FRMD6: variants seen among roughly 807,000 people sequenced by gnomAD.
The protein encoded by FRMD6 is FERM domain-containing protein 6.
Under a neutral mutation model 73.2 loss-of-function variants are expected in FRMD6, and 37 were observed. The observed-to-expected ratio is 0.51, with a 90% CI of 0.39 to 0.66. The LOEUF is 0.66. Ranked by LOEUF, FRMD6 falls within the 30% of genes least tolerant of loss-of-function variation. The probability of loss-of-function intolerance (pLI) is 0.00; values close to 1 mark genes in which losing one functional copy is unlikely to be tolerated. For missense variants in FRMD6, 714 were observed against 780.5 expected, an observed-to-expected ratio of 0.91 and a Z score of 1.02; for synonymous variants, 273 against 282.2, an observed-to-expected ratio of 0.97 and a Z score of 0.33.
At chr14:51,470,819 A>T in the FRMD6 span, among the ~76,000 whole-genome samples, 14 of 152,268 alleles carry the variant, frequency 9.2e-5, no homozygotes, top group Non-Finnish European at 1.9e-4. Flanking sequence ...TAGATGCCAT[A>T]TTGTTATTGA....
chr14:51,619,989 G>A (rs1890866735), intron 2 of FRMD6, among the ~76,000 whole-genome samples: 1 of 152,160 alleles, frequency 6.6e-6, no homozygotes, highest in African/African-American at 2.4e-5. Flanking sequence ...ACTTTCAGAG[G>A]TGACCAGCAA....
rs1190338688 is a variant in FRMD6 at position 51,536,097 on chromosome 14, T to TAG, written c.-209-34235_-209-34234dup. 1.7e-3 allele frequency among the ~76,000 whole-genome samples: 231 copies of TAG among 135,810 alleles called. 1 individual carries two copies. The South Asian group carries it at 0.019, about 11-fold the overall frequency. The allele number at this position is 135,810 out of a possible 152,430, so 89.1% of individuals were successfully genotyped here. A position where few individuals can be genotyped will look rare whatever the true frequency, so the allele number is the denominator to read the frequency against. On this transcript the variant is annotated intron_variant, in intron 1 of 14. Coordinates refer to the FRMD6 transcript ENST00000356218. ...TATATTTTATATATATATATATATA[T>TAG]AGAGAGAGAGAGAGAGAAACAGGGT... is the stretch of plus-strand genomic sequence containing the variant.
chr14:51,456,517 G>A, the FRMD6 span, among the ~76,000 whole-genome samples: 978 of 152,258 alleles, frequency 6.4e-3, 11 homozygotes, highest in African/African-American at 0.022. Context: ...ATTCCATGGT[G>A]TATATATGCC....
At chr14:51,592,804 T>C (rs1019842107) in intron 2 of FRMD6, among the ~76,000 whole-genome samples, 1 of 152,230 alleles carries the variant, frequency 6.6e-6, no homozygotes, top group Non-Finnish European at 1.5e-5. Flanking sequence ...AGTTCTGATT[T>C]TTATAGAAGC....
the FRMD6 span, among the ~76,000 whole-genome samples, chr14:51,440,593 T>G: frequency 6.6e-6 from 1 of 152,118 alleles, no homozygotes; most frequent in Non-Finnish European, 1.5e-5. Flanking sequence ...GCTGGAGAAC[T>G]GAGAATTCTG....
At chr14:51,640,431 T>C (rs532617174) in intron 2 of FRMD6, among the ~76,000 whole-genome samples, 2 of 152,360 alleles carry the variant, frequency 1.3e-5, no homozygotes, top group East Asian at 3.9e-4. Context: ...TTTGCTGATA[T>C]TTTAATTGGA....
the FRMD6 span, among the ~76,000 whole-genome samples, chr14:51,404,776 T>A: frequency 1.5e-3 from 223 of 152,354 alleles, 1 homozygote; most frequent in African/African-American, 5.2e-3. Context: ...ATAATTCTTT[T>A]TAAAAATTTT....
upstream of FRMD6, among the ~76,000 whole-genome samples, chr14:51,648,980 T>C (rs1267432939): frequency 6.6e-6 from 1 of 152,268 alleles, no homozygotes; most frequent in African/African-American, 2.4e-5. Context: ...AAATAAAACA[T>C]CCCAACATTA....
At chr14:51,553,321 G>A (rs1381205559) in intron 1 of FRMD6, among the ~76,000 whole-genome samples, 2 of 152,172 alleles carry the variant, frequency 1.3e-5, no homozygotes, top group Admixed American at 1.3e-4. Flanking sequence ...TGCAGGATGG[G>A]AACATAGCTT....
chr14:51,556,190 T>C (rs1056821537), intron 1 of FRMD6, among the ~76,000 whole-genome samples: 2 of 152,226 alleles, frequency 1.3e-5, no homozygotes, highest in African/African-American at 4.8e-5. Flanking sequence ...AATCACAGAA[T>C]AGTCAGAATG....
upstream of FRMD6, chr14:51,650,556 C>G (rs1344757139): frequency 6.6e-6 from 1 of 151,340 alleles, no homozygotes; most frequent in Admixed American, 6.6e-5. Flanking sequence ...CCACTACGCC[C>G]GGCTAATTTT....
intron 1 of FRMD6, among the ~76,000 whole-genome samples, chr14:51,553,210 G>C (rs1219245135): frequency 2.0e-5 from 3 of 152,214 alleles, no homozygotes; most frequent in Non-Finnish European, 4.4e-5. Flanking sequence ...ATGTCAAAAA[G>C]AGACAAATCC....
intron 2 of FRMD6, among the ~76,000 whole-genome samples, chr14:51,645,817 C>T (rs1044448219): frequency 2.0e-5 from 3 of 152,202 alleles, no homozygotes; most frequent in South Asian, 2.1e-4. Flanking sequence ...TTCAAAGGCA[C>T]ATTTGTTATG....
chr14:51,689,656 T>A (rs1392243950), intron 1 of FRMD6, 35 bp from the exon 2 acceptor site: 26 of 602,122 alleles, frequency 4.3e-5, no homozygotes. Flanking sequence ...CTTCACCGCC[T>A]TTCTTCAGGA....
At chr14:51,630,619 C>A (rs570377979) in intron 2 of FRMD6, among the ~76,000 whole-genome samples, 1 of 152,096 alleles carries the variant, frequency 6.6e-6, no homozygotes, top group East Asian at 1.9e-4. Flanking sequence ...TGGTGGCATG[C>A]GCCTGTAGTC....
the FRMD6 span, among the ~76,000 whole-genome samples, chr14:51,468,079 A>C: frequency 6.6e-6 from 1 of 152,144 alleles, no homozygotes; most frequent in Non-Finnish European, 1.5e-5. Context: ...ACTCGCGGTC[A>C]GGAGCTGGAG....
intron 10 of FRMD6, among the ~76,000 whole-genome samples, chr14:51,717,690 T>A (rs977989564): frequency 2.6e-5 from 4 of 152,202 alleles, no homozygotes; most frequent in African/African-American, 9.7e-5. Context: ...CTCACCCCCA[T>A]TTAAGGGCTT....
chr14:51,729,997 A>G lies in FRMD6; in HGVS notation c.*1968A>G, dbSNP rs902878675. 1 of 152,620 alleles carries G rather than the reference A, an allele frequency of 6.6e-6. No homozygotes were observed. The highest frequency in any genetic ancestry group is 2.4e-5 in the African/African-American group (1 of 41,478). 9.5% of individuals were successfully genotyped at this position (152,620 alleles called of 1,614,324 possible). A position where few individuals can be genotyped will look rare whatever the true frequency, so the allele number is the denominator to read the frequency against. On this transcript the variant is annotated 3_prime_UTR_variant, in exon 14 of 14. Transcript: ENST00000344768. Reference sequence around the variant, plus strand: ...GGATCATTTAATGACTGTTTTACTTATAAGTCATTAAGTAATCCACCATTT... The same window carrying G: ...GGATCATTTAATGACTGTTTTACTTGTAAGTCATTAAGTAATCCACCATTT...
intron 1 of FRMD6, among the ~76,000 whole-genome samples, chr14:51,654,895 A>G (rs1892712121): frequency 6.6e-6 from 1 of 152,194 alleles, no homozygotes; most frequent in Non-Finnish European, 1.5e-5. Context: ...CTGTTCATTA[A>G]TACAAACCTC....
Sources: gnomAD v4.1 joint callset for allele counts (sites outside exome capture counted in the v4.1 genomes callset) on GRCh38, gnomAD v4.1.1 for gene constraint, MANE v1.5 for transcripts, NCBI Gene and HGNC (gene_info 2026-07-23, HGNC 2026-07-21) for gene names.